NTM: variants seen among roughly 807,000 people sequenced by gnomAD.
NTM encodes the protein neurotrimin, also known as IgLON family member 2.
NTM carries 13 observed loss-of-function variants against 42.1 expected under a neutral mutation model. The ratio of observed to expected loss-of-function variants is 0.31; its 90% CI spans 0.20 to 0.49. The LOEUF is 0.49. NTM is among the 20% of genes least tolerant of loss of function. The pLI, the probability that NTM is intolerant of heterozygous loss-of-function variation, is 0.99. For synonymous variants in NTM, 187 were observed against 179.2 expected (o/e 1.04, Z -0.35); for missense variants, 373 against 452.8 (o/e 0.82, Z 1.60).
At chr11:132,235,982 GCACACACACAGA>G (rs2088769542) in intron 4 of NTM, among the ~76,000 whole-genome samples, 1 of 125,624 alleles carries the variant, frequency 8.0e-6, no homozygotes, top group East Asian at 2.0e-4. Context: ...TTTTTGACAG[GCACACACACAGA>G]CACACACACA....
At position 132,102,759 on chromosome 11, in the gene NTM, G is replaced by T. The variant is rs942468222; in HGVS notation, c.168-43523G>T. ...TTTTCGGAAGGATGCTTCCTGAGGG[G>T]AGAGATGCCATGCATTTCTGGGAGT... On this transcript the variant is annotated intron_variant, in intron 2 of 8. Transcript: ENST00000683400. Among the ~76,000 whole-genome samples, 104 of 152,256 alleles carry T rather than the reference G, an allele frequency of 6.8e-4. 1 individual carries two copies. The highest frequency in any genetic ancestry group is 2.4e-3 in the African/African-American group (99 of 41,548).
chr11:132,211,809 G>C (rs1003346902), intron 3 of NTM: 1 of 371,700 alleles, frequency 2.7e-6, no homozygotes, highest in South Asian at 3.2e-5. Flanking sequence ...ATTCCCATTC[G>C]GACTCCCTGA....
intron 2 of NTM, among the ~76,000 whole-genome samples, chr11:131,999,364 G>A (rs1201544349): frequency 3.3e-5 from 5 of 152,158 alleles, no homozygotes; most frequent in Admixed American, 1.3e-4. Flanking sequence ...AGGTATCTTA[G>A]TACTTGAGCA....
intron 4 of NTM, among the ~76,000 whole-genome samples, chr11:132,262,765 G>A (rs1319394727): frequency 6.6e-6 from 1 of 152,054 alleles, no homozygotes; most frequent in Non-Finnish European, 1.5e-5. Context: ...CCAAATGTAT[G>A]TCCTTCTTAC....
At chr11:131,959,300 GTCTTA>G (rs2061883496) in intron 2 of NTM, among the ~76,000 whole-genome samples, 1 of 152,130 alleles carries the variant, frequency 6.6e-6, no homozygotes, top group Non-Finnish European at 1.5e-5. Context: ...CACCATTTCT[GTCTTA>G]AAGTTCTTCG....
intron 1 of NTM, among the ~76,000 whole-genome samples, chr11:131,372,794 T>TG: frequency 1.3e-5 from 1 of 77,282 alleles, no homozygotes; most frequent in African/African-American, 5.0e-5. Context: ...GCATACGTGA[T>TG]TTTTTTTTTC....
intron 1 of NTM, among the ~76,000 whole-genome samples, chr11:131,513,600 A>G (rs2048527585): frequency 6.6e-6 from 1 of 152,238 alleles, no homozygotes; most frequent in South Asian, 2.1e-4. Context: ...GGAAGACAGA[A>G]TGAAAAGACT....
intron 1 of NTM, among the ~76,000 whole-genome samples, chr11:131,384,908 G>A (rs538907609): frequency 6.6e-6 from 1 of 152,366 alleles, no homozygotes; most frequent in South Asian, 2.1e-4. Context: ...CTAGTGAGGT[G>A]TTCCCCAAAC....
chr11:132,015,633 ATATTTTATTTTATTTTATTTTATTT>A (rs151321359), intron 2 of NTM, among the ~76,000 whole-genome samples: 3 of 143,078 alleles, frequency 2.1e-5, no homozygotes, highest in South Asian at 2.3e-4. Flanking sequence ...TTATTCTTAG[ATATTTTATTTTATTTTATTTTATTT>A]TATTTTATTT....
chr11:131,844,917 C>A (rs2044725885), intron 1 of NTM, among the ~76,000 whole-genome samples: 1 of 152,034 alleles, frequency 6.6e-6, no homozygotes, highest in Non-Finnish European at 1.5e-5. Context: ...TTGTTGTTTT[C>A]TTTTCTAATC....
At chr11:132,295,842 A>G (rs1236129008) in intron 4 of NTM, among the ~76,000 whole-genome samples, 4 of 152,188 alleles carry the variant, frequency 2.6e-5, no homozygotes, top group African/African-American at 9.6e-5. Flanking sequence ...ATTTTTGGCA[A>G]TTATTTTGGC....
chr11:131,976,423 G>C (rs1248800622), intron 2 of NTM, among the ~76,000 whole-genome samples: 6 of 151,980 alleles, frequency 3.9e-5, no homozygotes, highest in Admixed American at 3.9e-4. Flanking sequence ...CTTTTACCTT[G>C]GATGAATTTT....
At chr11:131,674,091 T>C (rs140306268) in intron 1 of NTM, among the ~76,000 whole-genome samples, 5 of 152,276 alleles carry the variant, frequency 3.3e-5, no homozygotes, top group African/African-American at 9.6e-5. Context: ...ACACACAGCG[T>C]AGGGTGAGCA....
At chr11:131,963,074 T>C (rs1029120103) in intron 2 of NTM, among the ~76,000 whole-genome samples, 2 of 152,138 alleles carry the variant, frequency 1.3e-5, no homozygotes, top group Admixed American at 6.5e-5. Context: ...AGCATCCCAT[T>C]CTCATCACTG....
chr11:131,931,127 A>G (rs918000542), intron 2 of NTM, among the ~76,000 whole-genome samples: 1 of 152,194 alleles, frequency 6.6e-6, no homozygotes, highest in Non-Finnish European at 1.5e-5. Context: ...TTGGATTTTC[A>G]TAACCAGATA....
At chr11:132,290,863 A>G (rs2094433964) in intron 4 of NTM, among the ~76,000 whole-genome samples, 1 of 152,196 alleles carries the variant, frequency 6.6e-6, no homozygotes, top group South Asian at 2.1e-4. Context: ...GTAACCTGAA[A>G]GAAAGAAGGC....
At chr11:131,630,836 T>G (rs1043539960) in intron 1 of NTM, among the ~76,000 whole-genome samples, 10 of 152,234 alleles carry the variant, frequency 6.6e-5, no homozygotes, top group African/African-American at 2.4e-4. Flanking sequence ...CTACATGAAA[T>G]TTTAACTAGG....
chr11:131,701,796 G>T (rs187652061), intron 1 of NTM, among the ~76,000 whole-genome samples: 1 of 152,154 alleles, frequency 6.6e-6, no homozygotes, highest in African/African-American at 2.4e-5. Flanking sequence ...CAGATGGAAG[G>T]CCAGGAAAGC....
chr11:132,018,855 C>T (rs1173564292), intron 2 of NTM, among the ~76,000 whole-genome samples: 1 of 152,048 alleles, frequency 6.6e-6, no homozygotes, highest in South Asian at 2.1e-4. Flanking sequence ...CCTGGCTTTT[C>T]TTTGCCGAAG....
Sources: gnomAD v4.1 joint callset for allele counts (sites outside exome capture counted in the v4.1 genomes callset) on GRCh38, gnomAD v4.1.1 for gene constraint, MANE v1.5 for transcripts, NCBI Gene and HGNC (gene_info 2026-07-23, HGNC 2026-07-21) for gene names.